Variants in SCAF8 observed in about 807,000 individuals in gnomAD.
SCAF8 encodes the protein SR-related and CTD-associated factor 8.
SCAF8 carries 23 observed loss-of-function variants against 140.5 expected under a neutral mutation model. That is an observed-to-expected ratio of 0.16 (90% CI 0.12 to 0.23). SCAF8 has a LOEUF of 0.23. SCAF8 is among the 10% of genes least tolerant of loss of function. SCAF8 has a pLI of 1.00. For synonymous variants in SCAF8, 575 were observed against 528.9 expected (o/e 1.09, Z -1.20); for missense variants, 1,397 against 1,555.7 (o/e 0.90, Z 1.72).
In SCAF8 at chr6:154,808,802, C is replaced by T. The variant is rs1488684495; in HGVS notation, c.1226+4C>T. The stretch of plus-strand genomic sequence containing the variant: ...CACATTCACGATCTCGTTCAAGGTT[C>T]TACAATGATATTTAATAATAGCCGT... On this transcript the variant is annotated splice_donor_region_variant and intron_variant, in intron 11 of 19. Coordinates refer to ENST00000367178, the MANE Select transcript of SCAF8 (RefSeq NM_014892.5). 1 of 1,585,114 alleles carries T rather than the reference C, an allele frequency of 6.3e-7. No homozygotes were observed. Among genetic ancestry groups the T allele is most frequent in the Non-Finnish European group, 8.7e-7 (1 of 1,154,320 alleles).
At chr6:154,741,392 CAT>C (rs1318997526) in intron 1 of SCAF8, among the ~76,000 whole-genome samples, 1 of 151,998 alleles carries the variant, frequency 6.6e-6, no homozygotes, top group Non-Finnish European at 1.5e-5. Flanking sequence ...CCCAAAGAGT[CAT>C]ATTCTATGAT....
At chr6:154,737,422 T>G (rs932848666) in intron 1 of SCAF8, among the ~76,000 whole-genome samples, 2 of 152,164 alleles carry the variant, frequency 1.3e-5, no homozygotes, top group Admixed American at 6.5e-5. Context: ...ATGCCTGTAA[T>G]CCCATCCCTT....
At chr6:154,757,032 A>AAT (rs1428494728) in intron 1 of SCAF8, among the ~76,000 whole-genome samples, 2 of 151,990 alleles carry the variant, frequency 1.3e-5, no homozygotes, top group African/African-American at 4.8e-5. Context: ...TCAATAAATA[A>AAT]ATAAGTTGTC....
chr6:154,808,668 G>C lies in SCAF8; in HGVS notation c.1114-18G>C. ...CAACCAGCCTTTCTGTTTGTTTGCT[G>C]TTCTTTTGACTTTCAAGGATATGGA... On this transcript the variant is annotated intron_variant, in intron 10 of 19. Transcript: ENST00000367178. The C allele has an allele frequency of 6.7e-7, 1 of 1,496,092 alleles. No individual in the cohort carries two copies. The highest frequency in any genetic ancestry group is 1.7e-4 in the Middle Eastern group (1 of 5,832). The allele number at this position is 1,496,092 out of a possible 1,614,324, so 92.7% of individuals were successfully genotyped here. A position where few individuals can be genotyped will look rare whatever the true frequency, so the allele number is the denominator to read the frequency against.
At chr6:154,809,177 T>C (rs1778012690) in intron 11 of SCAF8, among the ~76,000 whole-genome samples, 1 of 152,176 alleles carries the variant, frequency 6.6e-6, no homozygotes, top group South Asian at 2.1e-4. Context: ...AAAATGAAAC[T>C]ACAAAATTTA....
chr6:154,804,579 A>G (rs1777861125), intron 8 of SCAF8, among the ~76,000 whole-genome samples: 1 of 152,126 alleles, frequency 6.6e-6, no homozygotes, highest in Non-Finnish European at 1.5e-5. Context: ...ACACTGACCC[A>G]TGTTTTGCTT....
chr6:154,794,766 G>T (rs545080466), intron 5 of SCAF8, among the ~76,000 whole-genome samples: 2 of 74,198 alleles, frequency 2.7e-5, no homozygotes, highest in African/African-American at 6.8e-5. Context: ...TGGTGGGGGG[G>T]GGGGGGTGTG....
intron 12 of SCAF8, among the ~76,000 whole-genome samples, chr6:154,812,842 A>T (rs747001848): frequency 1.3e-5 from 2 of 152,082 alleles, no homozygotes; most frequent in Admixed American, 6.6e-5. Flanking sequence ...AAGAGATGGG[A>T]AATACAGAAC....
chr6:154,755,531 C>A (rs891082661), intron 1 of SCAF8, among the ~76,000 whole-genome samples: 2 of 151,842 alleles, frequency 1.3e-5, no homozygotes, highest in Non-Finnish European at 2.9e-5. Flanking sequence ...GATGCCTGAC[C>A]CAGATTATTA....
At chr6:154,812,625 A>T (rs1410694169) in intron 12 of SCAF8, among the ~76,000 whole-genome samples, 3 of 152,248 alleles carry the variant, frequency 2.0e-5, no homozygotes, top group Middle Eastern at 3.4e-3. Context: ...AACATATGGT[A>T]GTGTTTTCAT....
At position 154,799,010 on chromosome 6, in the gene SCAF8, T is replaced by C. The variant is rs1483306691; in HGVS notation, c.607-2961T>C. ...TTTATTATTATTTTTTGACATGGAG[T>C]CTTAGCCTGTCACCCAGGCTGGAGT... On this transcript the variant is annotated intron_variant, in intron 6 of 19. Coordinates refer to ENST00000367178, the MANE Select transcript of SCAF8 (RefSeq NM_014892.5). 4.6e-5 allele frequency among the ~76,000 whole-genome samples: 7 copies of C among 150,690 alleles called. 2 individuals carry two copies. Among genetic ancestry groups the C allele is most frequent in the Non-Finnish European group, 1.0e-4 (7 of 67,490 alleles).
intron 9 of SCAF8, among the ~76,000 whole-genome samples, chr6:154,807,272 A>G (rs1223924922): frequency 6.6e-6 from 1 of 152,212 alleles, no homozygotes; most frequent in Non-Finnish European, 1.5e-5. Flanking sequence ...ATTACTCTAT[A>G]TATCAGTTCC....
Position 154,822,349 on chromosome 6 carries a change from A to C in SCAF8, c.1866A>C (p.Glu622Asp). 6.2e-7 allele frequency: 1 copy of C among 1,613,878 alleles called. No individual in the cohort carries two copies. The highest frequency in any genetic ancestry group is 8.5e-7 in the Non-Finnish European group (1 of 1,179,804). The part of the protein sequence containing the change: ...VQTTQSPTPV[E>D]KETVVTTQAE... Reference sequence around the variant, plus strand: ...CAACTCAGAGCCCAACTCCAGTTGAAAAGGAGACAGTGGTCACAACCCAGG... The same window carrying C: ...CAACTCAGAGCCCAACTCCAGTTGACAAGGAGACAGTGGTCACAACCCAGG... Residue 622 changes from glutamate (E) to aspartate (D), a missense_variant, in exon 16 of 20, where the codon GAA (glutamate) becomes GAC (aspartate). Coordinates refer to ENST00000367178, the MANE Select transcript of SCAF8 (RefSeq NM_014892.5).
chr6:154,828,809 A>G (rs10485354), intron 18 of SCAF8, among the ~76,000 whole-genome samples: 60,263 of 152,052 alleles, frequency 0.4, 14,661 homozygotes, highest in Non-Finnish European at 0.54. Context: ...ACAGAAAAAA[A>G]TGAATATGAA....
Position 154,818,466 on chromosome 6 carries a change from T to A in SCAF8, c.1522-13T>A. The A allele has an allele frequency of 6.8e-7, 1 of 1,470,082 alleles. No individual in the cohort carries two copies. The highest frequency in any genetic ancestry group is 9.3e-7 in the Non-Finnish European group (1 of 1,077,276). 91.1% of individuals were successfully genotyped at this position (1,470,082 alleles called of 1,614,324 possible). On this transcript the variant is annotated splice_polypyrimidine_tract_variant and intron_variant, in intron 13 of 19. Transcript: ENST00000367178. ...GTTCTTATACCTTTTCTTAAAACAATTTTTTTTATTAGATGATTCCTCCCC... is the reference window on the plus strand; with the variant it reads ...GTTCTTATACCTTTTCTTAAAACAAATTTTTTTATTAGATGATTCCTCCCC...
At position 154,802,630 on chromosome 6, in the gene SCAF8, T is replaced by A. The variant is rs76315257; in HGVS notation, c.783+483T>A. Among the ~76,000 whole-genome samples, 272 of 77,022 alleles carry A rather than the reference T, an allele frequency of 3.5e-3. 1 individual carries two copies. The highest frequency in any genetic ancestry group is 0.013 in the African/African-American group (232 of 17,378). The allele number at this position is 77,022 out of a possible 152,430, so 50.5% of individuals were successfully genotyped here. On this transcript the variant is annotated intron_variant, in intron 7 of 19. Coordinates refer to ENST00000367178, the MANE Select transcript of SCAF8 (RefSeq NM_014892.5). Reference sequence around the variant, plus strand: ...AGACTCTTGACTCAAAAAAAAAAAATTTTTTTTGAAACATTTTTGAAACAT... The same window carrying A: ...AGACTCTTGACTCAAAAAAAAAAAAATTTTTTTGAAACATTTTTGAAACAT...
rs551497781 is a variant in SCAF8, at chr6:154,795,146, G to A, written c.606+7G>A. On this transcript the variant is annotated splice_region_variant and intron_variant, in intron 6 of 19. Transcript: ENST00000367178. The stretch of plus-strand genomic sequence containing the variant: ...AAGTCCTCAAGGCCAGCAGGTGAGC[G>A]GTTTTTCTGTTATATCAAGAATAAT... The A allele has an allele frequency of 8.4e-6, 13 of 1,555,716 alleles. No homozygotes were observed. The highest frequency in any genetic ancestry group is 7.0e-5 in the South Asian group (6 of 85,686).
chr6:154,788,047 G>GT (rs748088876), intron 4 of SCAF8, 25 bp downstream of exon 4: 60 of 1,493,674 alleles, frequency 4.0e-5, no homozygotes, highest in Middle Eastern at 3.5e-4. Context: ...TTTTTTTTTT[G>GT]TTTTTTTAAA....
At chr6:154,791,669 G>A (rs184124159) in intron 4 of SCAF8, among the ~76,000 whole-genome samples, 44 of 152,082 alleles carry the variant, frequency 2.9e-4, no homozygotes, top group Admixed American at 6.5e-4. Context: ...TGACATAGTT[G>A]GCCTGAGACC....
Sources: gnomAD v4.1 joint callset for allele counts (sites outside exome capture counted in the v4.1 genomes callset) on GRCh38, gnomAD v4.1.1 for gene constraint, MANE v1.5 for transcripts, NCBI Gene and HGNC (gene_info 2026-07-23, HGNC 2026-07-21) for gene names.